The following PCDH15 variants were observed in gnomAD, a reference collection of about 807,000 sequenced individuals.
The protein encoded by PCDH15 is protocadherin-15.
A neutral mutation model predicts 178.5 loss-of-function variants in PCDH15; 129 were observed. The ratio of observed to expected loss-of-function variants is 0.72; its 90% CI spans 0.63 to 0.84. The LOEUF (loss-of-function observed/expected upper bound fraction) is 0.84, where lower values mean the gene tolerates loss of function less well. Among genes scored for constraint, PCDH15 ranks in the 40% least tolerant of loss-of-function variants. PCDH15 has a pLI of 0.00. For synonymous variants in PCDH15, 800 were observed against 732.0 expected (o/e 1.09, Z -1.50); for missense variants, 2,230 against 2,099.9 (o/e 1.06, Z -1.21).
intron 8 of PCDH15, among the ~76,000 whole-genome samples, chr10:54,316,874 A>G (rs2061309527): frequency 6.6e-6 from 1 of 152,136 alleles, no homozygotes. Flanking sequence ...AACATTTCAG[A>G]ATTCTACTGG....
At chr10:54,292,686 G>C (rs767662824) in intron 8 of PCDH15, among the ~76,000 whole-genome samples, 5 of 151,940 alleles carry the variant, frequency 3.3e-5, no homozygotes, top group Non-Finnish European at 5.9e-5. Context: ...AACAGACAGA[G>C]AGCCAAATCA....
At chr10:54,656,871 C>T (rs546937415) in intron 2 of PCDH15, among the ~76,000 whole-genome samples, 1 of 152,296 alleles carries the variant, frequency 6.6e-6, no homozygotes, top group East Asian at 1.9e-4. Flanking sequence ...CTGCTCCTCC[C>T]ATCTACTCTT....
chr10:54,478,637 G>A (rs185147112), intron 3 of PCDH15, among the ~76,000 whole-genome samples: 108 of 152,166 alleles, frequency 7.1e-4, no homozygotes, highest in South Asian at 3.7e-3. Context: ...TATAAGTGGT[G>A]TTTTGCTTTG....
intron 2 of PCDH15, among the ~76,000 whole-genome samples, chr10:54,933,340 T>TA (rs200007271): frequency 1.1e-3 from 161 of 151,548 alleles, no homozygotes; most frequent in Middle Eastern, 3.4e-3. Flanking sequence ...AGTTTTTATG[T>TA]AAAAAAAAAT....
At chr10:55,210,446 T>C (rs992539186) in intron 1 of PCDH15, among the ~76,000 whole-genome samples, 4 of 151,620 alleles carry the variant, frequency 2.6e-5, no homozygotes, top group Admixed American at 2.6e-4. Context: ...TAAAACATAA[T>C]TTGAAGAACA....
intron 9 of PCDH15, among the ~76,000 whole-genome samples, chr10:54,219,294 A>G (rs1309084032): frequency 7.2e-6 from 1 of 138,756 alleles, no homozygotes; most frequent in East Asian, 2.2e-4. Context: ...AAAAAAAAAA[A>G]GGAGACTTAG....
chr10:55,561,902 T>A (rs1245869933), intron 2 of PCDH15, among the ~76,000 whole-genome samples: 1 of 152,044 alleles, frequency 6.6e-6, no homozygotes, highest in East Asian at 1.9e-4. Context: ...CAGTTTAAAA[T>A]TGATTTTTCA....
At chr10:55,592,844 A>G (rs530968050) in intron 2 of PCDH15, among the ~76,000 whole-genome samples, 3 of 152,226 alleles carry the variant, frequency 2.0e-5, no homozygotes, top group African/African-American at 7.2e-5. Context: ...TATATATACC[A>G]TGCATATAAA....
intron 2 of PCDH15, among the ~76,000 whole-genome samples, chr10:55,626,622 T>C (rs898240818): frequency 6.6e-6 from 1 of 152,228 alleles, no homozygotes; most frequent in African/African-American, 2.4e-5. Context: ...ATATTGATTT[T>C]TAACATTTCC....
At chr10:53,822,790 T>A (rs141103437) in intron 32 of PCDH15, 2 of 1,614,004 alleles carry the variant, frequency 1.2e-6, no homozygotes, top group African/African-American at 2.7e-5. Context: ...CCTTCTATCA[T>A]CAGTGTTTCA....
At chr10:54,529,544 C>T (rs1238913134) in intron 2 of PCDH15, among the ~76,000 whole-genome samples, 1 of 151,980 alleles carries the variant, frequency 6.6e-6, no homozygotes, top group East Asian at 1.9e-4. Context: ...TTCACATGGC[C>T]TTAACATCCT....
intron 6 of PCDH15, among the ~76,000 whole-genome samples, chr10:54,332,298 A>AT (rs1939864842): frequency 2.5e-5 from 1 of 40,594 alleles, no homozygotes; most frequent in Non-Finnish European, 8.0e-5. Context: ...TCTATATTAC[A>AT]TATTATTATA....
intron 2 of PCDH15, among the ~76,000 whole-genome samples, chr10:54,913,495 T>G (rs11004630): frequency 0.54 from 82,828 of 152,146 alleles, 22,785 homozygotes; most frequent in South Asian, 0.66. Context: ...GGCAGAGCCC[T>G]CATGGAGAAC....
At chr10:53,934,022 T>C (rs1189215658) in intron 25 of PCDH15, among the ~76,000 whole-genome samples, 3 of 152,188 alleles carry the variant, frequency 2.0e-5, no homozygotes, top group Non-Finnish European at 2.9e-5. Flanking sequence ...GATGGGGTTG[T>C]TTGTTTTTTC....
chr10:54,047,863 G>A (rs2093687566), intron 18 of PCDH15, among the ~76,000 whole-genome samples: 1 of 152,146 alleles, frequency 6.6e-6, no homozygotes, highest in African/African-American at 2.4e-5. Context: ...TGTAGGTAGT[G>A]CTGTCATGAA....
At chr10:55,112,484 A>G (rs1320038514) in intron 2 of PCDH15, among the ~76,000 whole-genome samples, 1 of 152,144 alleles carries the variant, frequency 6.6e-6, no homozygotes, top group Non-Finnish European at 1.5e-5. Context: ...CAGAATGAGT[A>G]AAAGGAGAGA....
At chr10:54,573,702 C>T (rs1565633948) in intron 2 of PCDH15, among the ~76,000 whole-genome samples, 1 of 151,802 alleles carries the variant, frequency 6.6e-6, no homozygotes, top group South Asian at 2.1e-4. Context: ...TTATCTTTAT[C>T]GATAGTTTTC....
chr10:54,352,283 G>A (rs1019307156), intron 5 of PCDH15, among the ~76,000 whole-genome samples: 3 of 152,112 alleles, frequency 2.0e-5, no homozygotes, highest in African/African-American at 7.2e-5. Flanking sequence ...GTCCTAAGAA[G>A]AGAAAACATA....
At chr10:55,005,350 G>C (rs1225748482) in intron 2 of PCDH15, among the ~76,000 whole-genome samples, 1 of 151,778 alleles carries the variant, frequency 6.6e-6, no homozygotes, top group African/African-American at 2.4e-5. Flanking sequence ...TTCCATAGCA[G>C]GTTTTCACAT....
Sources: allele counts gnomAD v4.1 joint callset (sites outside exome capture counted in the v4.1 genomes callset), GRCh38; gene constraint gnomAD v4.1.1; transcripts MANE v1.5; gene names NCBI Gene and HGNC (gene_info 2026-07-23, HGNC 2026-07-21).